Variants in EAF2 observed in about 807,000 individuals in gnomAD.
EAF2 encodes ELL associated factor 2.
In EAF2, 29 loss-of-function variants were observed where a neutral mutation model predicts 29.4. That is an observed-to-expected ratio of 0.99 (90% CI 0.73 to 1.35). The LOEUF is 1.35. EAF2 is among the 40% of genes most tolerant of loss of function. The pLI is 0.00. For missense variants in EAF2, 292 were observed against 312.0 expected, an observed-to-expected ratio of 0.94 and a Z score of 0.48; for synonymous variants, 103 against 102.5, an observed-to-expected ratio of 1.00 and a Z score of -0.03.
chr3:121,835,844 G>T (rs925499168), intron 1 of EAF2, among the ~76,000 whole-genome samples: 25 of 152,108 alleles, frequency 1.6e-4, no homozygotes, highest in Admixed American at 1.4e-3. Context: ...TTCTTATTTG[G>T]TGTGTTCTTT....
chr3:121,881,597 C>T (rs2107549747), intron 5 of EAF2, among the ~76,000 whole-genome samples: 2 of 152,096 alleles, frequency 1.3e-5, no homozygotes, highest in East Asian at 3.9e-4. Flanking sequence ...GCAACCTCTG[C>T]CTCCCAGGTT....
At chr3:121,840,745 G>T (rs1708405338) in intron 1 of EAF2, among the ~76,000 whole-genome samples, 1 of 143,966 alleles carries the variant, frequency 6.9e-6, no homozygotes, top group South Asian at 2.2e-4. Context: ...AGCGGAAGTT[G>T]CAGTGAGCCG....
chr3:121,884,357 AG>A (rs1709244030), intron 5 of EAF2, among the ~76,000 whole-genome samples: 1 of 150,786 alleles, frequency 6.6e-6, no homozygotes, highest in African/African-American at 2.4e-5. Flanking sequence ...AAAAAAAAAA[AG>A]AAATGAAAGT....
At chr3:121,844,209 T>A (rs1708482617) in intron 1 of EAF2, among the ~76,000 whole-genome samples, 1 of 152,204 alleles carries the variant, frequency 6.6e-6, no homozygotes, top group Non-Finnish European at 1.5e-5. Context: ...AACAGGATTC[T>A]ATGGAAGCAT....
chr3:121,870,149 A>C (rs940591976), intron 4 of EAF2, among the ~76,000 whole-genome samples: 6 of 152,168 alleles, frequency 3.9e-5, no homozygotes, highest in Non-Finnish European at 8.8e-5. Context: ...AAAAAGGAAA[A>C]GGAAGGAATA....
chr3:121,844,955 A>T (rs566194626), intron 2 of EAF2, among the ~76,000 whole-genome samples: 96 of 152,292 alleles, frequency 6.3e-4, no homozygotes, highest in Non-Finnish European at 1.3e-3. Flanking sequence ...AGAAGCAAAT[A>T]CTCTGCCTGG....
chr3:121,885,939 C>G (rs920435811), intron 5 of EAF2, among the ~76,000 whole-genome samples: 16 of 152,062 alleles, frequency 1.1e-4, no homozygotes, highest in Admixed American at 9.8e-4. Flanking sequence ...GGTGAATTAT[C>G]CTTGACATAT....
At chr3:121,840,701 G>C (rs1559816095) in intron 1 of EAF2, among the ~76,000 whole-genome samples, 1 of 150,954 alleles carries the variant, frequency 6.6e-6, no homozygotes, top group African/African-American at 2.4e-5. Flanking sequence ...CAGCCATTCG[G>C]GAGGCTGAGG....
At chr3:121,836,646 G>T (rs756823272) in intron 1 of EAF2, 93 of 987,596 alleles carry the variant, frequency 9.4e-5, no homozygotes, top group Admixed American at 1.2e-4. Flanking sequence ...CTCATCCAGA[G>T]CTCCCCACGA....
At chr3:121,842,408 T>G (rs1708452791) in intron 1 of EAF2, among the ~76,000 whole-genome samples, 2 of 152,214 alleles carry the variant, frequency 1.3e-5, no homozygotes, top group Non-Finnish European at 2.9e-5. Context: ...TTTGTTGACA[T>G]TGATATATCT....
chr3:121,863,331 G>A (rs941890341), intron 4 of EAF2, among the ~76,000 whole-genome samples: 5 of 152,138 alleles, frequency 3.3e-5, no homozygotes, highest in African/African-American at 1.2e-4. Flanking sequence ...CTTGAGCTGC[G>A]GTGGGCTCCA....
At chr3:121,878,817 T>G (rs1342105581) in intron 5 of EAF2, among the ~76,000 whole-genome samples, 1 of 152,200 alleles carries the variant, frequency 6.6e-6, no homozygotes, top group Non-Finnish European at 1.5e-5. Flanking sequence ...GATTCCATAT[T>G]TTGGCTCTTG....
intron 2 of EAF2, among the ~76,000 whole-genome samples, chr3:121,845,268 ACT>A (rs1708506019): frequency 6.6e-6 from 1 of 151,286 alleles, no homozygotes; most frequent in African/African-American, 2.4e-5. Flanking sequence ...TGAAGCCCTG[ACT>A]CTACTAAAAA....
intron 5 of EAF2, among the ~76,000 whole-genome samples, chr3:121,886,127 A>G (rs1709279778): frequency 6.6e-6 from 1 of 152,184 alleles, no homozygotes; most frequent in Non-Finnish European, 1.5e-5. Context: ...AATAGATGCC[A>G]GGAAATACTA....
intron 2 of EAF2, among the ~76,000 whole-genome samples, chr3:121,849,247 A>G (rs527672891): frequency 6.6e-6 from 1 of 152,312 alleles, no homozygotes; most frequent in South Asian, 2.1e-4. Flanking sequence ...TATAATTTTA[A>G]GAGTACGTTT....
chr3:121,854,853 A>G, intron 3 of EAF2, 30 bp downstream of exon 3: 9 of 1,489,288 alleles, frequency 6.0e-6, no homozygotes, highest in Non-Finnish European at 7.1e-6. Context: ...AAATTATATT[A>G]TAAACATAAA....
chr3:121,856,893 A>C (rs954512410), intron 3 of EAF2, 118 bp from the exon 4 acceptor site: 1 of 797,554 alleles, frequency 1.3e-6, no homozygotes, highest in African/African-American at 1.8e-5. Flanking sequence ...TAATTATGGA[A>C]TATTATTCTA....
At chr3:121,881,989 G>C (rs901344731) in intron 5 of EAF2, among the ~76,000 whole-genome samples, 1 of 152,038 alleles carries the variant, frequency 6.6e-6, no homozygotes, top group Non-Finnish European at 1.5e-5. Flanking sequence ...GATTATAGAA[G>C]TAAACCCATA....
chr3:121,861,974 T>C (rs1314647581), intron 4 of EAF2, among the ~76,000 whole-genome samples: 1 of 152,234 alleles, frequency 6.6e-6, no homozygotes, highest in Non-Finnish European at 1.5e-5. Context: ...CAAATTATTT[T>C]CTTTAAGAAT....
Sources: gnomAD v4.1 joint callset for allele counts (sites outside exome capture counted in the v4.1 genomes callset) on GRCh38, gnomAD v4.1.1 for gene constraint, MANE v1.5 for transcripts, NCBI Gene and HGNC (gene_info 2026-07-23, HGNC 2026-07-21) for gene names.